Variants in TTLL7 observed in about 807,000 individuals in gnomAD.
The protein encoded by TTLL7 is tubulin tyrosine ligase like 7, also known as tubulin polyglutamylase TTLL7.
Under a neutral mutation model 120.2 loss-of-function variants are expected in TTLL7, and 53 were observed. The observed-to-expected ratio is 0.44, with a 90% CI of 0.35 to 0.55. TTLL7 has a LOEUF of 0.55. TTLL7 is among the 20% of genes least tolerant of loss of function. The pLI is 0.00. For synonymous variants in TTLL7, 353 were observed against 351.7 expected, an observed-to-expected ratio of 1.00 and a Z score of -0.04; for missense variants, 803 against 1,054.7, an observed-to-expected ratio of 0.76 and a Z score of 3.31.
intron 19 of TTLL7, chr1:83,887,091 C>T (rs1655036030): frequency 3.3e-6 from 1 of 307,106 alleles, no homozygotes; most frequent in Non-Finnish European, 5.1e-6. Flanking sequence ...ATCAGCAAAA[C>T]CCCTTGGCCA....
intron 1 of TTLL7, among the ~76,000 whole-genome samples, chr1:83,960,207 T>A (rs1377039121): frequency 1.3e-5 from 2 of 152,158 alleles, no homozygotes; most frequent in Non-Finnish European, 2.9e-5. Flanking sequence ...TGCTGAAACT[T>A]AGGTCTGATC....
intron 7 of TTLL7, among the ~76,000 whole-genome samples, chr1:83,938,318 A>C (rs1398837297): frequency 6.6e-6 from 1 of 152,226 alleles, no homozygotes; most frequent in Non-Finnish European, 1.5e-5. Context: ...ACATATTGCT[A>C]AGCAAGAAAA....
chr1:83,999,123 T>C lies in TTLL7; in HGVS notation c.-369A>G, dbSNP rs1299668608. On this transcript the variant is annotated 5_prime_UTR_variant, in exon 1 of 21. Transcript: ENST00000260505. ...CGGGACTCCGGTGCTCGACGCGGAG[T>C]GCCTGGAACAGCTGTCGCTGCCCAA... 2 of 430,904 alleles carry C rather than the reference T, an allele frequency of 4.6e-6. No individual in the cohort carries two copies. The highest frequency in any genetic ancestry group is 9.2e-6 in the Non-Finnish European group (2 of 217,656). The allele number at this position is 430,904 out of a possible 1,614,324, so 26.7% of individuals were successfully genotyped here.
chr1:83,955,129 T>C (rs1649395947), intron 1 of TTLL7, among the ~76,000 whole-genome samples: 1 of 152,122 alleles, frequency 6.6e-6, no homozygotes, highest in South Asian at 2.1e-4. Context: ...AAAATACCAC[T>C]TTTTCCTGAA....
intron 20 of TTLL7, among the ~76,000 whole-genome samples, chr1:83,874,308 A>G (rs201495800): frequency 6.6e-6 from 1 of 152,094 alleles, no homozygotes; most frequent in African/African-American, 2.4e-5. Flanking sequence ...TCAGAATTTC[A>G]GTCCATACTG....
intron 9 of TTLL7, among the ~76,000 whole-genome samples, chr1:83,929,775 A>G (rs2100814830): frequency 6.6e-6 from 1 of 152,252 alleles, no homozygotes; most frequent in African/African-American, 2.4e-5. Flanking sequence ...TCTTGTTACT[A>G]TTGTCATTGT....
At chr1:83,974,990 T>C (rs149551129) in intron 1 of TTLL7, among the ~76,000 whole-genome samples, 14 of 152,208 alleles carry the variant, frequency 9.2e-5, no homozygotes, top group Admixed American at 2.6e-4. Context: ...TCTTTTTATC[T>C]CAACCATATG....
chr1:83,981,205 T>C (rs1259716323), intron 1 of TTLL7: 1 of 151,330 alleles, frequency 6.6e-6, no homozygotes, highest in African/African-American at 2.4e-5. Context: ...AAAAGAGAGA[T>C]TGGCACAGTA....
At chr1:83,936,436 T>C (rs566779344) in intron 8 of TTLL7, among the ~76,000 whole-genome samples, 12 of 152,188 alleles carry the variant, frequency 7.9e-5, no homozygotes, top group Non-Finnish European at 1.6e-4. Context: ...TATCATCAGA[T>C]GGAAGATAGT....
At chr1:83,987,877 C>T (rs1458157575) in intron 1 of TTLL7, among the ~76,000 whole-genome samples, 1 of 151,938 alleles carries the variant, frequency 6.6e-6, no homozygotes, top group Non-Finnish European at 1.5e-5. Context: ...TTTATTTATT[C>T]TATAATTTCA....
At chr1:83,987,470 A>T (rs1652581500) in intron 1 of TTLL7, among the ~76,000 whole-genome samples, 1 of 152,190 alleles carries the variant, frequency 6.6e-6, no homozygotes, top group Non-Finnish European at 1.5e-5. Flanking sequence ...AGATTTTTTT[A>T]AAGTGGCTCT....
chr1:83,990,276 C>A (rs928248071), intron 1 of TTLL7, among the ~76,000 whole-genome samples: 1 of 150,976 alleles, frequency 6.6e-6, no homozygotes, highest in Non-Finnish European at 1.5e-5. Context: ...CCTGGGTTCA[C>A]GCCATTCTCC....
At chr1:83,930,591 G>A (rs897579225) in intron 9 of TTLL7, among the ~76,000 whole-genome samples, 4 of 152,112 alleles carry the variant, frequency 2.6e-5, no homozygotes, top group Non-Finnish European at 5.9e-5. Context: ...TTTTATGGGA[G>A]AAAAGTTTCA....
At chr1:83,939,444 A>G (rs1042987436) in intron 7 of TTLL7, among the ~76,000 whole-genome samples, 6 of 152,194 alleles carry the variant, frequency 3.9e-5, no homozygotes, top group African/African-American at 1.4e-4. Context: ...TTTTTCTTAA[A>G]CAGTATCTTT....
At chr1:83,981,714 C>G (rs1651973992) in intron 1 of TTLL7, 1 of 152,292 alleles carries the variant, frequency 6.6e-6, no homozygotes, top group East Asian at 1.9e-4. Context: ...CGCCTGTAGT[C>G]CCCGCTACTC....
rs766258336 is a variant in TTLL7 at position 83,921,391 on chromosome 1, G to A, written c.1146C>T (p.Thr382=). The A allele has an allele frequency of 1.9e-6, 3 of 1,610,356 alleles. No individual in the cohort carries two copies. The African/African-American group carries it at 4.0e-5, about 22-fold the overall frequency. ...TGGCCAAGTTTCTTCTTTTGTCACT[G>A]GTCCTAAAATATAAAACATAAGACC... ...LNALKLLNIR[T]SDKRRNLAKQ... is the part of the protein sequence containing the mutation. The change falls in exon 11 of 21, where the codon ACC becomes ACT. Residue 382 remains threonine, a synonymous_variant. Transcript: ENST00000260505.
chr1:83,875,837 T>C (rs188759330), intron 20 of TTLL7, among the ~76,000 whole-genome samples: 1 of 151,956 alleles, frequency 6.6e-6, no homozygotes, highest in Admixed American at 6.6e-5. Context: ...TTGTAAGAAT[T>C]TTTTACAGAT....
chr1:83,892,950 GAA>G (rs1553129476), intron 18 of TTLL7, among the ~76,000 whole-genome samples: 6,749 of 89,200 alleles, frequency 0.076, 513 homozygotes, highest in African/African-American at 0.3. Flanking sequence ...AAGAAAGAAA[GAA>G]AAGAATAAAA....
chr1:83,909,553 CAA>C (rs1374303199), intron 15 of TTLL7, among the ~76,000 whole-genome samples: 1 of 151,670 alleles, frequency 6.6e-6, no homozygotes, highest in African/African-American at 2.4e-5. Flanking sequence ...AGAATAAACA[CAA>C]AGTGAAAGAC....
Sources: gnomAD v4.1 joint callset for allele counts (sites outside exome capture counted in the v4.1 genomes callset) on GRCh38, gnomAD v4.1.1 for gene constraint, MANE v1.5 for transcripts, NCBI Gene and HGNC (gene_info 2026-07-23, HGNC 2026-07-21) for gene names.